RFC1: variants seen among roughly 807,000 people sequenced by gnomAD.
RFC1 encodes A1 140 kDa subunit.
In RFC1, 37 loss-of-function variants were observed where a neutral mutation model predicts 137.4. That is an observed-to-expected ratio of 0.27 (90% confidence interval 0.21 to 0.35). The LOEUF (loss-of-function observed/expected upper bound fraction) is 0.35, where lower values mean the gene tolerates loss of function less well. Among genes scored for constraint, RFC1 ranks in the 10% least tolerant of loss-of-function variants. The pLI is 1.00. For missense variants in RFC1, 1,205 were observed against 1,358.5 expected (o/e 0.89, Z 1.78); for synonymous variants, 429 against 455.7 (o/e 0.94, Z 0.75).
rs141250374 is a variant in RFC1, at chr4:39,343,226, T to C, written c.209-759A>G. Among the ~76,000 whole-genome samples the C allele has an allele frequency of 3.4e-3, 517 of 152,282 alleles. 3 individuals carry two copies. Among genetic ancestry groups the C allele is most frequent in the Non-Finnish European group, 6.1e-3 (413 of 68,014 alleles). On this transcript the variant is annotated intron_variant, in intron 3 of 24. Transcript: ENST00000349703. ...TTAGTAGAGACAGGGTTTTACTATG[T>C]TGGCCAGGCTGGTCTGGAAATCCTG...
At chr4:39,310,849 C>T (rs943020188) in intron 12 of RFC1, among the ~76,000 whole-genome samples, 3 of 151,804 alleles carry the variant, frequency 2.0e-5, no homozygotes, top group African/African-American at 4.8e-5. Flanking sequence ...ATAAAGTCAA[C>T]GTGAGAATAT....
At chr4:39,349,044 T>C (rs1390395709) in intron 2 of RFC1, among the ~76,000 whole-genome samples, 1 of 133,818 alleles carries the variant, frequency 7.5e-6, no homozygotes, top group Non-Finnish European at 1.6e-5. Flanking sequence ...ACATTCCTTA[T>C]CTGGTTTCAC....
intron 4 of RFC1, among the ~76,000 whole-genome samples, chr4:39,333,162 A>C (rs1230375975): frequency 6.6e-6 from 1 of 152,252 alleles, no homozygotes; most frequent in Non-Finnish European, 1.5e-5. Context: ...ATGTTGGACC[A>C]AACGAACTCT....
Position 39,321,184 on chromosome 4 carries a change from C to T in RFC1, c.808+103G>A, listed in dbSNP as rs1578135876. 4 of 890,488 alleles carry T rather than the reference C, an allele frequency of 4.5e-6. No individual in the cohort carries two copies. The East Asian group carries it at 9.9e-5, about 22-fold the overall frequency. 55.2% of individuals were successfully genotyped at this position (890,488 alleles called of 1,614,324 possible). The stretch of plus-strand genomic sequence containing the variant: ...TAATAGTCCTGTGAAATAATGTCTA[C>T]CTAACAATACATAATTACTGAATAG... On this transcript the variant is annotated intron_variant, in intron 8 of 24. Transcript: ENST00000349703.
At chr4:39,289,551 A>C in intron 24 of RFC1, 1 of 274,288 alleles carries the variant, frequency 3.6e-6, no homozygotes, top group East Asian at 8.0e-5. Flanking sequence ...TTTTGTTACA[A>C]ACATTTTTCT....
At chr4:39,308,300 A>T (rs767378295) in intron 13 of RFC1, among the ~76,000 whole-genome samples, 13 of 152,086 alleles carry the variant, frequency 8.5e-5, no homozygotes, top group Non-Finnish European at 1.8e-4. Flanking sequence ...TAGCTTAGCC[A>T]TCCCTTCCTC....
chr4:39,315,889 A>G (rs1189303491), intron 10 of RFC1, among the ~76,000 whole-genome samples: 1 of 152,146 alleles, frequency 6.6e-6, no homozygotes, highest in East Asian at 1.9e-4. Flanking sequence ...CAGCAGCCAG[A>G]GCGATCTTTC....
intron 1 of RFC1, among the ~76,000 whole-genome samples, chr4:39,360,243 G>A (rs71606156): frequency 0.14 from 21,018 of 151,654 alleles, 1,784 homozygotes; most frequent in East Asian, 0.23. Context: ...GCTCACCCCT[G>A]TAATCCCAGC....
intron 21 of RFC1, among the ~76,000 whole-genome samples, chr4:39,298,111 C>G (rs1738127262): frequency 6.6e-6 from 1 of 152,128 alleles, no homozygotes; most frequent in African/African-American, 2.4e-5. Context: ...GAGTTCAAGA[C>G]CAGCCTGGCC....
At chr4:39,363,190 T>A (rs534224615) in intron 1 of RFC1, among the ~76,000 whole-genome samples, 27 of 152,384 alleles carry the variant, frequency 1.8e-4, no homozygotes, top group African/African-American at 6.3e-4. Context: ...TCTCTCAGGT[T>A]TTATTCACGT....
intron 6 of RFC1, among the ~76,000 whole-genome samples, chr4:39,324,851 G>C (rs1031298389): frequency 2.6e-5 from 4 of 152,216 alleles, no homozygotes; most frequent in Non-Finnish European, 4.4e-5. Context: ...TTCTAATATA[G>C]TTGAGGTAGT....
Position 39,332,162 on chromosome 4 carries a change from C to T in RFC1, c.332-4406G>A, listed in dbSNP as rs1016600982. On this transcript the variant is annotated intron_variant, in intron 4 of 24. Coordinates refer to ENST00000349703, the MANE Select transcript of RFC1 (RefSeq NM_002913.5). ...TAAACCTCTTTCTTTTATAAATTGC[C>T]CAGTTTTGGGTATGTCTTTATTAGC... Among the ~76,000 whole-genome samples the T allele has an allele frequency of 2.6e-5, 4 of 152,146 alleles. No individual in the cohort carries two copies. The South Asian group carries it at 8.3e-4, about 32-fold the overall frequency.
At chr4:39,359,510 A>G (rs1741642086) in intron 1 of RFC1, among the ~76,000 whole-genome samples, 1 of 152,158 alleles carries the variant, frequency 6.6e-6, no homozygotes, top group Non-Finnish European at 1.5e-5. Flanking sequence ...AGTGGGAGCT[A>G]AGCTATGAGG....
At chr4:39,353,026 T>G (rs538911592) in intron 1 of RFC1, among the ~76,000 whole-genome samples, 1 of 117,100 alleles carries the variant, frequency 8.5e-6, no homozygotes, top group South Asian at 2.7e-4. Context: ...CAAATAAGTG[T>G]GACACACACA....
At chr4:39,354,097 C>G (rs1741343342) in intron 1 of RFC1, among the ~76,000 whole-genome samples, 1 of 152,098 alleles carries the variant, frequency 6.6e-6, no homozygotes, top group Non-Finnish European at 1.5e-5. Context: ...ATTACTTTAC[C>G]CTACTCCCCT....
At position 39,366,308 on chromosome 4, in the gene RFC1, C is replaced by G. The variant is rs543655175; in HGVS notation, c.-67G>C. On this transcript the variant is annotated 5_prime_UTR_variant, in exon 1 of 25. Transcript: ENST00000349703. ...CCGGTTGAGGAATCTGTTATCGAGG[C>G]TCAGGATCCATTCGCGCCAACAACT... 2 of 1,463,132 alleles carry G rather than the reference C, an allele frequency of 1.4e-6. No homozygotes were observed. Among genetic ancestry groups the G allele is most frequent in the Non-Finnish European group, 1.8e-6 (2 of 1,101,820 alleles). 90.6% of individuals were successfully genotyped at this position (1,463,132 alleles called of 1,614,324 possible).
intron 15 of RFC1, among the ~76,000 whole-genome samples, chr4:39,304,278 GCA>G (rs1738520891): frequency 6.6e-6 from 1 of 152,152 alleles, no homozygotes; most frequent in African/African-American, 2.4e-5. Flanking sequence ...GTGGGCATTT[GCA>G]CACTGTCTTC....
chr4:39,307,746 C>A (rs1738756905), intron 13 of RFC1, among the ~76,000 whole-genome samples: 1 of 143,970 alleles, frequency 6.9e-6, no homozygotes, highest in Admixed American at 6.8e-5. Context: ...AAAAAAAAAA[C>A]AGTCTTCTCC....
intron 2 of RFC1, among the ~76,000 whole-genome samples, chr4:39,348,764 C>T (rs1260280495): frequency 1.3e-5 from 2 of 152,162 alleles, no homozygotes; most frequent in African/African-American, 2.4e-5. Flanking sequence ...CAGCCACCAC[C>T]CAAAGCCTTG....
Sources: gnomAD v4.1 joint callset for allele counts (sites outside exome capture counted in the v4.1 genomes callset) on GRCh38, gnomAD v4.1.1 for gene constraint, MANE v1.5 for transcripts, NCBI Gene and HGNC (gene_info 2026-07-23, HGNC 2026-07-21) for gene names.